TANC1: variants seen among roughly 807,000 people sequenced by gnomAD.
The protein encoded by TANC1 is tetratricopeptide repeat, ankyrin repeat and coiled-coil containing 1, also known as protein TANC1.
TANC1 carries 77 observed loss-of-function variants against 149.7 expected under a neutral mutation model. The ratio of observed to expected loss-of-function variants is 0.51; its 90% CI spans 0.43 to 0.62. The LOEUF (loss-of-function observed/expected upper bound fraction) is 0.62, where lower values mean the gene tolerates loss of function less well. Among genes scored for constraint, TANC1 ranks in the 20% least tolerant of loss-of-function variants. TANC1 has a pLI of 0.00. For synonymous variants in TANC1, 854 were observed against 925.0 expected, an observed-to-expected ratio of 0.92 and a Z score of 1.39; for missense variants, 1,985 against 2,321.8, an observed-to-expected ratio of 0.85 and a Z score of 2.98.
intron 1 of TANC1, among the ~76,000 whole-genome samples, chr2:158,973,453 G>A (rs1031189904): frequency 6.6e-6 from 1 of 152,226 alleles, no homozygotes; most frequent in African/African-American, 2.4e-5. Context: ...TGTTGCATGA[G>A]CTTTTGAAGA....
chr2:158,978,016 C>T (rs2033893662), intron 1 of TANC1, among the ~76,000 whole-genome samples: 1 of 152,150 alleles, frequency 6.6e-6, no homozygotes, highest in Non-Finnish European at 1.5e-5. Context: ...GTTTTTCTTT[C>T]CTTTTAGTCT....
intron 19 of TANC1, among the ~76,000 whole-genome samples, chr2:159,216,043 C>G (rs1467959670): frequency 6.6e-6 from 1 of 152,164 alleles, no homozygotes; most frequent in Admixed American, 6.5e-5. Context: ...GGAGATACAC[C>G]TGTCTTCAAC....
chr2:159,167,192 G>A (rs556968766), intron 8 of TANC1, among the ~76,000 whole-genome samples: 1 of 152,326 alleles, frequency 6.6e-6, no homozygotes, highest in African/African-American at 2.4e-5. Flanking sequence ...GCAGCATTAT[G>A]TCAGATGTTC....
intron 5 of TANC1, among the ~76,000 whole-genome samples, chr2:159,138,450 G>A (rs2051004171): frequency 1.4e-5 from 2 of 147,712 alleles, no homozygotes; most frequent in Non-Finnish European, 3.1e-5. Context: ...TCCCCATGGA[G>A]TCCCTTAAAT....
intron 14 of TANC1, among the ~76,000 whole-genome samples, chr2:159,183,111 T>A (rs1011666350): frequency 3.9e-5 from 6 of 152,110 alleles, no homozygotes; most frequent in Admixed American, 1.3e-4. Context: ...GAGTGGGGAC[T>A]TGGGGGGACT....
intron 7 of TANC1, among the ~76,000 whole-genome samples, chr2:159,162,531 G>A (rs898808989): frequency 3.9e-5 from 6 of 152,170 alleles, no homozygotes; most frequent in African/African-American, 1.4e-4. Flanking sequence ...GTATTGCTTC[G>A]CTTTTTGACC....
Position 159,170,770 on chromosome 2 carries a change from A to G in TANC1, c.1316A>G (p.Gln439Arg), listed in dbSNP as rs537190709. 6.2e-7 allele frequency: 1 copy of G among 1,614,234 alleles called. No homozygotes were observed. Among genetic ancestry groups the G allele is most frequent in the Admixed American group, 1.7e-5 (1 of 60,030 alleles). ...AGCTGCCACGGAAGCCGCATGAGGCAGATTGCTTCCAACAGCCCGGGTTCA... is the reference window on the plus strand; with the variant it reads ...AGCTGCCACGGAAGCCGCATGAGGCGGATTGCTTCCAACAGCCCGGGTTCA... ...ALSCHGSRMR[Q>R]IASNSPGSSP... is the part of the protein sequence containing the mutation. Residue 439 changes from glutamine to arginine, a missense_variant, in exon 10 of 27, where the codon CAG (glutamine) becomes CGG (arginine). This residue lies in a region of TANC1 where 557 missense variants were observed against 612.9 expected (regional missense o/e 0.91). Coordinates refer to ENST00000263635, the MANE Select transcript of TANC1 (RefSeq NM_033394.3).
rs1252847471 is a variant in TANC1 at position 159,140,262 on chromosome 2, TGCA to T, written c.364+3965_364+3967del. 3.3e-5 allele frequency among the ~76,000 whole-genome samples: 5 copies of T among 151,690 alleles called. No individual in the cohort carries two copies. The East Asian group carries it at 9.7e-4, about 29-fold the overall frequency. On this transcript the variant is annotated intron_variant, in intron 5 of 26. Coordinates refer to ENST00000263635, the MANE Select transcript of TANC1 (RefSeq NM_033394.3). Reference sequence around the variant, plus strand: ...AAAAAAAGAATATGATTGAAAAAAATGCATAGTCATGTTTTATTTCTTAAAACC... The same window carrying T: ...AAAAAAAGAATATGATTGAAAAAAATTAGTCATGTTTTATTTCTTAAAACC...
At chr2:159,042,573 G>C (rs886312321) in intron 2 of TANC1, among the ~76,000 whole-genome samples, 7 of 152,008 alleles carry the variant, frequency 4.6e-5, no homozygotes, top group Non-Finnish European at 1.0e-4. Flanking sequence ...GGAGAGACTG[G>C]TAGGAGGGGA....
intron 19 of TANC1, among the ~76,000 whole-genome samples, chr2:159,210,378 G>C (rs12465874): frequency 0.16 from 23,723 of 152,070 alleles, 2,662 homozygotes; most frequent in Admixed American, 0.36. Context: ...TAAAATTTTA[G>C]GAATAGCCCT....
At chr2:159,188,469 C>A (rs1422533348) in intron 16 of TANC1, among the ~76,000 whole-genome samples, 2 of 152,256 alleles carry the variant, frequency 1.3e-5, no homozygotes, top group African/African-American at 2.4e-5. Flanking sequence ...GGAGTCCCAT[C>A]CAGCCAGTGG....
At chr2:159,130,908 C>G (rs1256603538) in intron 4 of TANC1, among the ~76,000 whole-genome samples, 1 of 152,102 alleles carries the variant, frequency 6.6e-6, no homozygotes, top group East Asian at 1.9e-4. Context: ...CCTCACCTGC[C>G]TGGTGGTCCT....
chr2:159,166,872 A>G (rs1055552169), intron 8 of TANC1, among the ~76,000 whole-genome samples: 1 of 152,220 alleles, frequency 6.6e-6, no homozygotes, highest in African/African-American at 2.4e-5. Flanking sequence ...GCTCGGCTTA[A>G]TCGTATTTGA....
intron 2 of TANC1, among the ~76,000 whole-genome samples, chr2:159,013,267 A>T (rs913460970): frequency 6.6e-6 from 1 of 152,216 alleles, no homozygotes; most frequent in Admixed American, 6.5e-5. Context: ...TGCACTAACC[A>T]GGACAGTTAC....
chr2:159,109,626 A>G (rs914984122), intron 4 of TANC1, among the ~76,000 whole-genome samples: 1 of 152,248 alleles, frequency 6.6e-6, no homozygotes, highest in Non-Finnish European at 1.5e-5. Flanking sequence ...GAAATAATTG[A>G]TAAGTCATAA....
intron 3 of TANC1, among the ~76,000 whole-genome samples, chr2:159,087,466 CGTT>C (rs1559233588): frequency 3.4e-5 from 1 of 29,302 alleles, no homozygotes; most frequent in Non-Finnish European, 8.6e-5. Context: ...TTTGTTTTTC[CGTT>C]TTTTTTTTTT....
rs573126158 is a variant in TANC1, at chr2:159,141,435, A to T, written c.364+5137A>T. ...TCAAATTAGTTCAGGTTCAGTGAAG[A>T]AGAGGTGGTGAATGGAAGATTCTTG... On this transcript the variant is annotated intron_variant, in intron 5 of 26. Transcript: ENST00000263635. 3.1e-4 allele frequency among the ~76,000 whole-genome samples: 47 copies of T among 152,348 alleles called. 2 individuals carry two copies. The South Asian group carries it at 8.9e-3, about 29-fold the overall frequency.
chr2:159,116,749 G>C (rs2048310672), intron 4 of TANC1, among the ~76,000 whole-genome samples: 1 of 152,180 alleles, frequency 6.6e-6, no homozygotes, highest in South Asian at 2.1e-4. Flanking sequence ...TTTGTCTCAG[G>C]AAAGGAAAGG....
intron 1 of TANC1, among the ~76,000 whole-genome samples, chr2:158,985,579 TTG>T (rs1040466405): frequency 3.3e-5 from 5 of 152,180 alleles, no homozygotes; most frequent in African/African-American, 9.7e-5. Context: ...GTTACTTTCC[TTG>T]TGTGGGTTAA....
Sources: allele counts gnomAD v4.1 joint callset (sites outside exome capture counted in the v4.1 genomes callset), GRCh38; gene constraint gnomAD v4.1.1; regional missense constraint gnomAD v4.1.1; transcripts MANE v1.5; gene names NCBI Gene and HGNC (gene_info 2026-07-23, HGNC 2026-07-21).